Variants in OPCML observed in about 807,000 individuals in gnomAD.
The protein encoded by OPCML is opioid-binding protein/cell adhesion molecule.
In OPCML, 13 loss-of-function variants were observed where a neutral mutation model predicts 37.8. That is an observed-to-expected ratio of 0.34 (90% CI 0.22 to 0.55). The LOEUF is 0.55. OPCML is among the 20% of genes least tolerant of loss of function. The probability of loss-of-function intolerance (pLI) is 0.91; values close to 1 mark genes in which losing one functional copy is unlikely to be tolerated. For missense variants in OPCML, 341 were observed against 435.6 expected (o/e 0.78, Z 1.93); for synonymous variants, 176 against 168.8 (o/e 1.04, Z -0.33).
intron 1 of OPCML, chr11:133,117,678 A>C (rs919249142): frequency 1.7e-6 from 1 of 575,022 alleles, no homozygotes; most frequent in Non-Finnish European, 2.2e-6. Context: ...TTGGGCTCAG[A>C]GTGACCAGTT....
intron 3 of OPCML, among the ~76,000 whole-genome samples, chr11:132,606,664 G>A (rs1371699938): frequency 8.5e-6 from 1 of 118,040 alleles, no homozygotes. Context: ...CCCACTTCTG[G>A]GCCAATGGGA....
chr11:133,333,473 C>T (rs1292235629), intron 1 of OPCML, among the ~76,000 whole-genome samples: 1 of 152,122 alleles, frequency 6.6e-6, no homozygotes, highest in Non-Finnish European at 1.5e-5. Context: ...CGCTTCCTTA[C>T]ACGCTACACA....
intron 1 of OPCML, among the ~76,000 whole-genome samples, chr11:133,351,972 T>C (rs965346428): frequency 5.9e-5 from 9 of 152,202 alleles, no homozygotes; most frequent in African/African-American, 1.9e-4. Context: ...TCTCAACTCT[T>C]CATTTCCTGC....
In OPCML at chr11:132,705,177, T is replaced by TGG. The variant is rs917715123; in HGVS notation, c.147-47860_147-47859dup. On this transcript the variant is annotated intron_variant, in intron 2 of 7. Coordinates refer to ENST00000524381, the MANE Select transcript of OPCML (RefSeq NM_001012393.5). Reference sequence around the variant, plus strand: ...GAAATGTAATCCCCAGTGTTGGAGGTGGGGCCTGCTGGCAGCTGATTGGAT... The same window carrying TGG: ...GAAATGTAATCCCCAGTGTTGGAGGTGGGGGGCCTGCTGGCAGCTGATTGGAT... Among the ~76,000 whole-genome samples, 73 of 152,182 alleles carry TGG rather than the reference T, an allele frequency of 4.8e-4. 1 individual carries two copies. The highest frequency in any genetic ancestry group is 1.6e-3 in the African/African-American group (68 of 41,528).
chr11:132,710,294 T>C (rs1944208723), intron 2 of OPCML, among the ~76,000 whole-genome samples: 1 of 152,188 alleles, frequency 6.6e-6, no homozygotes, highest in Non-Finnish European at 1.5e-5. Flanking sequence ...GAATATAAAA[T>C]AGCATAGTAT....
At chr11:133,070,616 C>T (rs1948516816) in intron 1 of OPCML, among the ~76,000 whole-genome samples, 1 of 152,184 alleles carries the variant, frequency 6.6e-6, no homozygotes, top group Non-Finnish European at 1.5e-5. Context: ...AAAGAAGGTG[C>T]AACTGAAACT....
intron 2 of OPCML, among the ~76,000 whole-genome samples, chr11:132,846,373 A>G (rs1203831420): frequency 6.6e-6 from 1 of 152,222 alleles, no homozygotes; most frequent in Non-Finnish European, 1.5e-5. Context: ...AGTCAACTAC[A>G]TTGGAGTTGG....
At chr11:132,495,912 A>T (rs1331372619) in intron 4 of OPCML, among the ~76,000 whole-genome samples, 1 of 146,742 alleles carries the variant, frequency 6.8e-6, no homozygotes, top group African/African-American at 2.5e-5. Context: ...AAAAAAAAAA[A>T]GTTTGTTCTA....
In OPCML at chr11:133,124,666, T is replaced by C. The variant is rs1026299343; in HGVS notation, c.62-181656A>G. Among the ~76,000 whole-genome samples, 4 of 152,114 alleles carry C rather than the reference T, an allele frequency of 2.6e-5. No homozygotes were observed. The South Asian group carries it at 8.3e-4, about 32-fold the overall frequency. On this transcript the variant is annotated intron_variant, in intron 1 of 7. Transcript: ENST00000524381. ...TGAGCTGTTATCTTCAGGCCCCTTG[T>C]TCCTCAGCCTTCATCACGTTCTGCA...
At chr11:132,762,592 C>T (rs1387355966) in intron 2 of OPCML, among the ~76,000 whole-genome samples, 1 of 152,198 alleles carries the variant, frequency 6.6e-6, no homozygotes, top group Non-Finnish European at 1.5e-5. Flanking sequence ...TTCGAACTTC[C>T]TGGTGGCTTT....
In OPCML at chr11:133,443,091, C is replaced by T. The variant is rs575197514; in HGVS notation, c.61+89173G>A. 4.6e-5 allele frequency among the ~76,000 whole-genome samples: 7 copies of T among 152,090 alleles called. No individual in the cohort carries two copies. In the South Asian group the frequency reaches 8.4e-4, roughly 18 times the overall value. On this transcript the variant is annotated intron_variant, in intron 1 of 7. Coordinates refer to ENST00000524381, the MANE Select transcript of OPCML (RefSeq NM_001012393.5). ...AATGAAAAACTGAACCCACAGAAAACGCAGACAATCTAAACAAGAACATCA... is the reference window on the plus strand; with the variant it reads ...AATGAAAAACTGAACCCACAGAAAATGCAGACAATCTAAACAAGAACATCA...
chr11:133,418,675 C>T (rs575516935), intron 1 of OPCML, among the ~76,000 whole-genome samples: 55 of 152,186 alleles, frequency 3.6e-4, no homozygotes, highest in Middle Eastern at 6.8e-3. Flanking sequence ...AATAGCCCTT[C>T]CCCAAACTAA....
intron 3 of OPCML, among the ~76,000 whole-genome samples, chr11:132,538,955 C>G (rs2096348265): frequency 1.3e-5 from 2 of 152,130 alleles, no homozygotes; most frequent in Admixed American, 6.6e-5. Flanking sequence ...GATAGAATAC[C>G]TTCTCTCCAT....
chr11:133,093,788 A>T (rs200838224), intron 1 of OPCML, among the ~76,000 whole-genome samples: 4 of 141,814 alleles, frequency 2.8e-5, no homozygotes, highest in Admixed American at 1.4e-4. Context: ...TTTTTTTTTT[A>T]AACAAGAGCC....
chr11:133,508,533 A>T (rs1249846270), intron 1 of OPCML, among the ~76,000 whole-genome samples: 1 of 152,188 alleles, frequency 6.6e-6, no homozygotes, highest in Non-Finnish European at 1.5e-5. Context: ...CTCAGCAGCC[A>T]TGGCCCTGGC....
At chr11:133,280,172 T>C (rs1397323095) in intron 1 of OPCML, among the ~76,000 whole-genome samples, 2 of 152,200 alleles carry the variant, frequency 1.3e-5, no homozygotes, top group African/African-American at 4.8e-5. Flanking sequence ...ATAAAACCAC[T>C]CTCTCTGTTT....
At chr11:133,094,332 G>A (rs1012601329) in intron 1 of OPCML, among the ~76,000 whole-genome samples, 2 of 152,076 alleles carry the variant, frequency 1.3e-5, no homozygotes, top group Non-Finnish European at 2.9e-5. Context: ...ACAAAGTTTA[G>A]GACTCTGAAA....
intron 3 of OPCML, among the ~76,000 whole-genome samples, chr11:132,644,390 G>A (rs1212507470): frequency 1.3e-5 from 2 of 151,988 alleles, no homozygotes; most frequent in African/African-American, 2.4e-5. Flanking sequence ...CCCAGGGGAC[G>A]CATGGCTCGC....
intron 1 of OPCML, among the ~76,000 whole-genome samples, chr11:133,010,891 G>C (rs990604173): frequency 6.6e-6 from 1 of 152,174 alleles, no homozygotes; most frequent in African/African-American, 2.4e-5. Context: ...TCCAGCTTTT[G>C]TAACAATCAA....
Sources: allele counts gnomAD v4.1 joint callset (sites outside exome capture counted in the v4.1 genomes callset), GRCh38; gene constraint gnomAD v4.1.1; transcripts MANE v1.5; gene names NCBI Gene and HGNC (gene_info 2026-07-23, HGNC 2026-07-21).